The following AK9 variants were observed in gnomAD, a reference collection of about 807,000 sequenced individuals.
The protein encoded by AK9 is adenylate kinase 9, also known as adenylate kinase domain containing 1.
In AK9, 191 loss-of-function variants were observed where a neutral mutation model predicts 239.6. The ratio of observed to expected loss-of-function variants is 0.80; its 90% confidence interval spans 0.71 to 0.90. The LOEUF (loss-of-function observed/expected upper bound fraction) is 0.90. Ranked by LOEUF, AK9 falls within the 40% of genes least tolerant of loss-of-function variation. The pLI is 0.00. For missense variants in AK9, 1,995 were observed against 2,214.7 expected (o/e 0.90, Z 1.99); for synonymous variants, 689 against 721.0 (o/e 0.96, Z 0.71).
In AK9 at chr6:109,619,159, C is replaced by T. The variant is rs1243234339; in HGVS notation, c.1332G>A (p.Glu444=). ...CAACTTTAATTGCTGCTGCAGTGGC[C>T]TCAGCTATGGTATTTTCTACTAATG... ...RETLVENTIA[E]ATAAAIKVVK... Residue 444 remains glutamate (E), a synonymous_variant, in exon 13 of 41, where the codon GAG becomes GAA. Coordinates refer to ENST00000424296, the MANE Select transcript of AK9 (RefSeq NM_001145128.3). 8 of 1,549,572 alleles carry T rather than the reference C, an allele frequency of 5.2e-6. No homozygotes were observed. Among genetic ancestry groups the T allele is most frequent in the South Asian group, 1.2e-5 (1 of 83,776 alleles).
At chr6:109,550,338 C>A in intron 24 of AK9, 36 bp from the exon 25 acceptor site, 1 of 1,550,008 alleles carries the variant, frequency 6.5e-7, no homozygotes, top group Non-Finnish European at 8.7e-7. Context: ...GAACATTAAA[C>A]TAAAAAAGTA....
intron 25 of AK9, among the ~76,000 whole-genome samples, chr6:109,548,932 G>A (rs1233474714): frequency 1.3e-5 from 2 of 152,190 alleles, no homozygotes; most frequent in Admixed American, 6.5e-5. Context: ...AAGTGGACTG[G>A]TCAAGCACAA....
intron 6 of AK9, among the ~76,000 whole-genome samples, chr6:109,661,585 T>A (rs1800419560): frequency 6.6e-6 from 1 of 152,226 alleles, no homozygotes. Flanking sequence ...CATTCACATG[T>A]GTGACATTCT....
At chr6:109,521,705 T>C (rs915842678) in intron 29 of AK9, among the ~76,000 whole-genome samples, 10 of 152,096 alleles carry the variant, frequency 6.6e-5, no homozygotes, top group Admixed American at 5.9e-4. Flanking sequence ...CAGCTGGAGT[T>C]AGTAATACAA....
intron 32 of AK9, among the ~76,000 whole-genome samples, chr6:109,511,819 T>A (rs1778780862): frequency 1.3e-5 from 2 of 152,160 alleles, no homozygotes; most frequent in Non-Finnish European, 2.9e-5. Flanking sequence ...TCCTAAAATT[T>A]GACACCTTAT....
At chr6:109,561,432 G>A (rs1300148392) in intron 24 of AK9, among the ~76,000 whole-genome samples, 11 of 152,104 alleles carry the variant, frequency 7.2e-5, no homozygotes, top group Admixed American at 7.2e-4. Context: ...CCTCCCACCT[G>A]TCTCCTGAGT....
intron 1 of AK9, among the ~76,000 whole-genome samples, chr6:109,678,826 GCAT>G (rs1772160631): frequency 1.3e-5 from 2 of 152,052 alleles, no homozygotes; most frequent in Non-Finnish European, 2.9e-5. Flanking sequence ...GCGGGGTGAG[GCAT>G]CGCCTCACCC....
At chr6:109,498,891 C>T (rs1041420491) in intron 36 of AK9, among the ~76,000 whole-genome samples, 153 bp downstream of exon 36, 1 of 152,268 alleles carries the variant, frequency 6.6e-6, no homozygotes. Context: ...TTGGAACTCA[C>T]TGCTGAGTTG....
intron 27 of AK9, among the ~76,000 whole-genome samples, chr6:109,534,126 G>T (rs1373871344): frequency 6.6e-6 from 1 of 151,126 alleles, no homozygotes; most frequent in Non-Finnish European, 1.5e-5. Context: ...ATTCAAATGG[G>T]ATTGTCAAAC....
At chr6:109,632,571 T>C (rs140131752) in intron 12 of AK9, 326 of 275,716 alleles carry the variant, frequency 1.2e-3, no homozygotes, top group African/African-American at 7.1e-3. Flanking sequence ...GGAGTGATTA[T>C]ATGGGGAGAG....
chr6:109,497,735 C>A, intron 37 of AK9, 61 bp downstream of exon 37: 2 of 1,555,194 alleles, frequency 1.3e-6, no homozygotes, highest in Non-Finnish European at 8.7e-7. Context: ...AAGATTATTA[C>A]ATGAACCACT....
At chr6:109,659,548 T>G in intron 6 of AK9, 135 bp from the exon 7 acceptor site, 1 of 1,161,008 alleles carries the variant, frequency 8.6e-7, no homozygotes. Flanking sequence ...ATATTGTGAC[T>G]GGCATTTTGC....
intron 20 of AK9, 136 bp from the exon 21 acceptor site, chr6:109,573,730 G>T: frequency 1.3e-6 from 1 of 794,510 alleles, no homozygotes; most frequent in Non-Finnish European, 1.9e-6. Context: ...TAATGGGGGA[G>T]ATAGAAAAAT....
chr6:109,539,480 T>A (rs1782540196), intron 27 of AK9, among the ~76,000 whole-genome samples: 1 of 152,238 alleles, frequency 6.6e-6, no homozygotes, highest in Admixed American at 6.5e-5. Context: ...TTCTCTACAC[T>A]GGTTATTCTA....
At chr6:109,616,397 T>C (rs952321553) in intron 13 of AK9, among the ~76,000 whole-genome samples, 1 of 152,118 alleles carries the variant, frequency 6.6e-6, no homozygotes, top group Non-Finnish European at 1.5e-5. Flanking sequence ...TTTCATTTTT[T>C]TTTCTTTCTT....
chr6:109,503,341 C>T (rs1582740394), intron 35 of AK9, among the ~76,000 whole-genome samples: 3 of 152,132 alleles, frequency 2.0e-5, no homozygotes, highest in East Asian at 1.9e-4. Context: ...AATTTAGAAT[C>T]GTGTAACTTC....
intron 18 of AK9, 100 bp from the exon 19 acceptor site, chr6:109,585,337 T>C (rs1789367380): frequency 2.3e-6 from 1 of 434,292 alleles, no homozygotes; most frequent in South Asian, 8.2e-5. Context: ...TGCTTATATC[T>C]AAATACATTT....
intron 9 of AK9, 35 bp downstream of exon 9, chr6:109,644,579 T>C (rs765700390): frequency 1.1e-5 from 17 of 1,535,276 alleles, no homozygotes; most frequent in African/African-American, 1.4e-5. Context: ...AAATTTTCCA[T>C]GCTGTGAAGT....
rs1554278040 is a variant in AK9 at position 109,636,750 on chromosome 6, T to TCTCACA, written c.934-3428_934-3427insTGTGAG. Among the ~76,000 whole-genome samples, 4 of 135,576 alleles carry TCTCACA rather than the reference T, an allele frequency of 3.0e-5. No individual in the cohort carries two copies. The South Asian group carries it at 8.1e-4, about 27-fold the overall frequency. The allele number at this position is 135,576 out of a possible 152,430, so 88.9% of individuals were successfully genotyped here. On this transcript the variant is annotated intron_variant, in intron 10 of 40. Coordinates refer to ENST00000424296, the MANE Select transcript of AK9 (RefSeq NM_001145128.3). Reference sequence around the variant, plus strand: ...CTCTTTAAGGTTGAATAATATTCCATCACACACACACACACACACACACAC... The same window carrying TCTCACA: ...CTCTTTAAGGTTGAATAATATTCCATCTCACACACACACACACACACACACACACAC...
Sources: allele counts gnomAD v4.1 joint callset (sites outside exome capture counted in the v4.1 genomes callset), GRCh38; gene constraint gnomAD v4.1.1; transcripts MANE v1.5; gene names NCBI Gene and HGNC (gene_info 2026-07-23, HGNC 2026-07-21).